Variants in MIPOL1 observed in about 807,000 individuals in gnomAD.
MIPOL1 encodes mirror-image polydactyly 1, also known as mirror-image polydactyly gene 1 protein.
In MIPOL1, 57 loss-of-function variants were observed where a neutral mutation model predicts 60.9. That is an observed-to-expected ratio of 0.94 (90% confidence interval 0.76 to 1.17). MIPOL1 has a LOEUF of 1.17. Among genes scored for constraint, MIPOL1 ranks in the 50% most tolerant of loss-of-function variants. The probability of loss-of-function intolerance (pLI) is 0.00; values close to 1 mark genes in which losing one functional copy is unlikely to be tolerated. For missense variants in MIPOL1, 551 were observed against 511.6 expected, an observed-to-expected ratio of 1.08 and a Z score of -0.74; for synonymous variants, 179 against 168.8, an observed-to-expected ratio of 1.06 and a Z score of -0.47.
chr14:37,538,324 GA>G (rs1275911171), intron 12 of MIPOL1, among the ~76,000 whole-genome samples: 1 of 152,130 alleles, frequency 6.6e-6, no homozygotes, highest in Non-Finnish European at 1.5e-5. Context: ...ATAGCTAATT[GA>G]AAAAGAATAC....
intron 9 of MIPOL1, among the ~76,000 whole-genome samples, chr14:37,345,560 C>T (rs1201437816): frequency 6.6e-6 from 1 of 152,150 alleles, no homozygotes; most frequent in African/African-American, 2.4e-5. Flanking sequence ...TAAGTCTCTT[C>T]AATAGTTTCT....
intron 11 of MIPOL1, among the ~76,000 whole-genome samples, chr14:37,436,291 C>A (rs946747201): frequency 1.3e-5 from 2 of 152,068 alleles, no homozygotes; most frequent in Non-Finnish European, 2.9e-5. Flanking sequence ...CCTGTGAACA[C>A]CAGCTATAGT....
chr14:37,449,785 C>CATTTATTTATTTATTT (rs76200007), intron 11 of MIPOL1, among the ~76,000 whole-genome samples: 1 of 151,572 alleles, frequency 6.6e-6, no homozygotes, highest in African/African-American at 2.4e-5. Flanking sequence ...TTTCTGATTA[C>CATTTATTTATTTATTT]ATTTATTTAT....
intron 9 of MIPOL1, among the ~76,000 whole-genome samples, chr14:37,344,638 C>G (rs1367585128): frequency 6.6e-6 from 1 of 152,082 alleles, no homozygotes; most frequent in Non-Finnish European, 1.5e-5. Flanking sequence ...TTGTGATATT[C>G]TAAAGATAAC....
intron 11 of MIPOL1, among the ~76,000 whole-genome samples, chr14:37,484,293 C>G (rs762156778): frequency 6.7e-6 from 1 of 148,502 alleles, no homozygotes; most frequent in Non-Finnish European, 1.5e-5. Context: ...GCTCTATCCT[C>G]TTCCATTTCT....
chr14:37,210,882 T>C (rs1464132449), intron 1 of MIPOL1, among the ~76,000 whole-genome samples: 5 of 152,220 alleles, frequency 3.3e-5, no homozygotes, highest in Non-Finnish European at 7.3e-5. Context: ...TCATTAGTTT[T>C]ACAAAAGTGG....
At chr14:37,514,811 G>C (rs1433302810) in intron 12 of MIPOL1, among the ~76,000 whole-genome samples, 1 of 151,952 alleles carries the variant, frequency 6.6e-6, no homozygotes, top group Non-Finnish European at 1.5e-5. Context: ...AGTAGAGACG[G>C]GGTTTCTCCA....
chr14:37,457,071 C>T (rs1378251220), intron 11 of MIPOL1, among the ~76,000 whole-genome samples: 7 of 152,072 alleles, frequency 4.6e-5, no homozygotes, highest in Admixed American at 1.3e-4. Flanking sequence ...TAAAAAGACT[C>T]GTCATGAAAA....
In MIPOL1 at chr14:37,550,501, TA is replaced by T. The variant is rs2095559203; in HGVS notation, c.*3531del. 6.7e-6 allele frequency: 1 copy of T among 150,314 alleles called. No homozygotes were observed. Among genetic ancestry groups the T allele is most frequent in the Admixed American group, 6.6e-5 (1 of 15,052 alleles). 9.3% of individuals were successfully genotyped at this position (150,314 alleles called of 1,614,324 possible). On this transcript the variant is annotated 3_prime_UTR_variant, in exon 13 of 13. Coordinates refer to ENST00000684589, the MANE Select transcript of MIPOL1 (RefSeq NM_001388067.1). ...CCTATCTATTCATATTTTACATATA[TA>T]TATATATATATACATGCACACACAC...
chr14:37,534,833 G>A (rs1254879959), intron 12 of MIPOL1, among the ~76,000 whole-genome samples: 1 of 151,996 alleles, frequency 6.6e-6, no homozygotes, highest in Non-Finnish European at 1.5e-5. Flanking sequence ...TGTTCCAACT[G>A]GAATCCAGGG....
chr14:37,326,110 T>A (rs1308066986), intron 9 of MIPOL1, among the ~76,000 whole-genome samples: 1 of 152,130 alleles, frequency 6.6e-6, no homozygotes, highest in African/African-American at 2.4e-5. Flanking sequence ...TGGCTATGGA[T>A]AAAAAAACAT....
intron 9 of MIPOL1, among the ~76,000 whole-genome samples, chr14:37,317,391 T>C (rs1002046561): frequency 2.5e-4 from 38 of 152,254 alleles, no homozygotes; most frequent in African/African-American, 8.4e-4. Context: ...TTTAAAAACG[T>C]GTCAGGGAAG....
chr14:37,210,438 C>T (rs950810296), intron 1 of MIPOL1, among the ~76,000 whole-genome samples: 2 of 152,076 alleles, frequency 1.3e-5, no homozygotes, highest in African/African-American at 2.4e-5. Context: ...GATGTTTAAT[C>T]GCCCATTGGG....
At chr14:37,448,237 G>GTTA (rs2153572397) in intron 11 of MIPOL1, among the ~76,000 whole-genome samples, 1 of 152,336 alleles carries the variant, frequency 6.6e-6, no homozygotes, top group Admixed American at 6.5e-5. Context: ...TTCCTTTAAA[G>GTTA]GGAGTCTCTG....
intron 12 of MIPOL1, among the ~76,000 whole-genome samples, chr14:37,542,226 T>G (rs535788422): frequency 6.6e-6 from 1 of 152,356 alleles, no homozygotes; most frequent in East Asian, 1.9e-4. Context: ...CTGGATTCTG[T>G]GACTGTCCTA....
At chr14:37,200,775 A>G (rs1965117320) in intron 1 of MIPOL1, among the ~76,000 whole-genome samples, 1 of 146,328 alleles carries the variant, frequency 6.8e-6, no homozygotes, top group Admixed American at 6.9e-5. Context: ...TTTTTTGCCA[A>G]TTGGTTGGAT....
intron 12 of MIPOL1, chr14:37,545,650 GT>G (rs781044957): frequency 2.6e-5 from 17 of 646,760 alleles, no homozygotes; most frequent in African/African-American, 1.5e-4. Flanking sequence ...TTATTTTCCT[GT>G]TTTTTGTTAA....
chr14:37,299,481 C>A lies in MIPOL1; in HGVS notation c.624-8575C>A, dbSNP rs938051762. 3.3e-5 allele frequency among the ~76,000 whole-genome samples: 5 copies of A among 151,484 alleles called. No individual in the cohort carries two copies. The Middle Eastern group carries it at 0.01, about 311-fold the overall frequency. Reference sequence around the variant, plus strand: ...AAAAATAAAAATTACTCTACAACATCCTACTTTCTTTACCATTTGGTTAAG... The same window carrying A: ...AAAAATAAAAATTACTCTACAACATACTACTTTCTTTACCATTTGGTTAAG... On this transcript the variant is annotated intron_variant, in intron 7 of 12. Transcript: ENST00000684589.
At chr14:37,439,343 A>G (rs1039540525) in intron 11 of MIPOL1, among the ~76,000 whole-genome samples, 2 of 152,200 alleles carry the variant, frequency 1.3e-5, no homozygotes, top group Non-Finnish European at 1.5e-5. Context: ...AGAATAAGCA[A>G]AAGTGGAGGT....
Sources: gnomAD v4.1 joint callset for allele counts (sites outside exome capture counted in the v4.1 genomes callset) on GRCh38, gnomAD v4.1.1 for gene constraint, MANE v1.5 for transcripts, NCBI Gene and HGNC (gene_info 2026-07-23, HGNC 2026-07-21) for gene names.